NAV3: variants seen among roughly 807,000 people sequenced by gnomAD.
The protein encoded by NAV3 is pore membrane and/or filament interacting like protein 1.
In NAV3, 87 loss-of-function variants were observed where a neutral mutation model predicts 244.7. That is an observed-to-expected ratio of 0.36 (90% CI 0.30 to 0.42). The LOEUF (loss-of-function observed/expected upper bound fraction) is 0.42, where lower values mean the gene tolerates loss of function less well. Among genes scored for constraint, NAV3 ranks in the 20% least tolerant of loss-of-function variants. The pLI is 1.00. For synonymous variants in NAV3, 1,126 were observed against 1,042.2 expected, an observed-to-expected ratio of 1.08 and a Z score of -1.55; for missense variants, 2,663 against 2,893.3, an observed-to-expected ratio of 0.92 and a Z score of 1.83.
intron 2 of NAV3, among the ~76,000 whole-genome samples, chr12:77,773,652 C>CA (rs1215017842): frequency 6.6e-6 from 1 of 151,678 alleles, no homozygotes; most frequent in Non-Finnish European, 1.5e-5. Context: ...GCAGGAAAGG[C>CA]AAAAAAAGAA....
chr12:77,999,785 G>A (rs1353994145), intron 7 of NAV3, among the ~76,000 whole-genome samples: 1 of 150,964 alleles, frequency 6.6e-6, no homozygotes, highest in South Asian at 2.1e-4. Flanking sequence ...GGTGACAGTC[G>A]CTCATCAGAA....
rs548910425 is a variant in NAV3 at position 77,945,770 on chromosome 12, C to T, written c.414+4637C>T. On this transcript the variant is annotated intron_variant, in intron 3 of 39. Coordinates refer to ENST00000397909, the MANE Select transcript of NAV3 (RefSeq NM_001024383.2). ...TTATTATTATTATTATTTTTTGAGA[C>T]GAAGTCTCGCTGTGTCGCCCAAGCT... Among the ~76,000 whole-genome samples, 12 of 151,752 alleles carry T rather than the reference C, an allele frequency of 7.9e-5. No individual in the cohort carries two copies. In the South Asian group the frequency reaches 8.3e-4, roughly 11 times the overall value.
rs1959267885 is a variant in NAV3 at position 78,198,744 on chromosome 12, G to A, written c.6518+68G>A. On this transcript the variant is annotated intron_variant, in intron 36 of 39. Coordinates refer to ENST00000397909, the MANE Select transcript of NAV3 (RefSeq NM_001024383.2). ...TGTGTTGGGGGGGGCAGGGGAGGGG[G>A]TTGGCATTGTTTCTTCCTGTTTGTT... 16 of 576,570 alleles carry A rather than the reference G, an allele frequency of 2.8e-5. 1 individual carries two copies. The highest frequency in any genetic ancestry group is 3.3e-4 in the Middle Eastern group (1 of 3,010). The allele number at this position is 576,570 out of a possible 1,614,324, so 35.7% of individuals were successfully genotyped here.
intron 9 of NAV3, among the ~76,000 whole-genome samples, chr12:78,048,359 C>T (rs1386444398): frequency 6.6e-6 from 1 of 152,116 alleles, no homozygotes; most frequent in African/African-American, 2.4e-5. Flanking sequence ...GACTTACCTA[C>T]CTTTGGTCTC....
intron 12 of NAV3, among the ~76,000 whole-genome samples, chr12:78,093,652 G>GATTTC (rs1954082740): frequency 6.6e-6 from 1 of 151,742 alleles, no homozygotes; most frequent in African/African-American, 2.4e-5. Context: ...GAAAAAAAAA[G>GATTTC]TACAGTATTA....
At chr12:77,812,423 AT>A (rs1755815531) in intron 2 of NAV3, among the ~76,000 whole-genome samples, 1 of 149,658 alleles carries the variant, frequency 6.7e-6, no homozygotes, top group Non-Finnish European at 1.5e-5. Flanking sequence ...TTTAACTTTT[AT>A]TTTTTTGAGA....
chr12:77,716,115 A>G (rs1876349757), intron 2 of NAV3, among the ~76,000 whole-genome samples: 2 of 152,156 alleles, frequency 1.3e-5, no homozygotes, highest in Middle Eastern at 3.4e-3. Context: ...AAATTTAAAC[A>G]GTCTCATTTT....
intron 2 of NAV3, among the ~76,000 whole-genome samples, chr12:77,638,492 A>G (rs1361691862): frequency 6.6e-6 from 1 of 152,178 alleles, no homozygotes; most frequent in Non-Finnish European, 1.5e-5. Context: ...TCTGCTTTCT[A>G]TGAGAAGTCA....
intron 22 of NAV3, among the ~76,000 whole-genome samples, chr12:78,153,467 A>G (rs944288421): frequency 5.3e-5 from 8 of 152,250 alleles, no homozygotes; most frequent in Non-Finnish European, 8.8e-5. Context: ...ACCAACAAAC[A>G]GAAAACAGAA....
In NAV3 at chr12:77,623,865, G is replaced by A. The variant is rs1454802569; in HGVS notation, c.72+51599G>A. Among the ~76,000 whole-genome samples, 3 of 152,146 alleles carry A rather than the reference G, an allele frequency of 2.0e-5. No individual in the cohort carries two copies. In the East Asian group the frequency reaches 5.8e-4, roughly 29 times the overall value. On this transcript the variant is annotated intron_variant, in intron 2 of 8. Coordinates refer to the NAV3 transcript ENST00000550042. Reference sequence around the variant, plus strand: ...GAATTTAAGAATCAATCTCCTTAAAGAAAATAAGATTACAAAGAGCTAGAT... The same window carrying A: ...GAATTTAAGAATCAATCTCCTTAAAAAAAATAAGATTACAAAGAGCTAGAT...
At chr12:77,967,661 A>C (rs1263451) in intron 4 of NAV3, among the ~76,000 whole-genome samples, 1 of 151,936 alleles carries the variant, frequency 6.6e-6, no homozygotes, top group Non-Finnish European at 1.5e-5. Flanking sequence ...CAAGCTTTAC[A>C]TCCTTCTCTT....
At chr12:77,642,866 A>G (rs1236124439) in intron 2 of NAV3, among the ~76,000 whole-genome samples, 1 of 152,120 alleles carries the variant, frequency 6.6e-6, no homozygotes, top group Admixed American at 6.6e-5. Context: ...GTTTATTATT[A>G]ATATGAAAGC....
intron 2 of NAV3, among the ~76,000 whole-genome samples, chr12:77,682,101 G>C (rs1270566600): frequency 6.6e-6 from 1 of 151,976 alleles, no homozygotes; most frequent in Non-Finnish European, 1.5e-5. Context: ...CCAAAATTTT[G>C]TGTTCTTTGA....
At chr12:77,940,269 C>G (rs2137465098) in intron 1 of NAV3, 50 bp from the exon 2 acceptor site, 33 of 1,301,402 alleles carry the variant, frequency 2.5e-5, no homozygotes, top group Non-Finnish European at 3.3e-5. Flanking sequence ...ATTTTATTGT[C>G]TCTGTTTTCC....
intron 1 of NAV3, among the ~76,000 whole-genome samples, chr12:77,851,297 C>T (rs1282261790): frequency 6.6e-6 from 1 of 152,136 alleles, no homozygotes; most frequent in African/African-American, 2.4e-5. Context: ...TAGAAATACC[C>T]CTTCTGAATC....
intron 22 of NAV3, among the ~76,000 whole-genome samples, chr12:78,151,834 G>C (rs1396714984): frequency 6.6e-6 from 1 of 150,960 alleles, no homozygotes; most frequent in Non-Finnish European, 1.5e-5. Context: ...GGACCTCCCT[G>C]TACTATCTTT....
chr12:77,802,843 A>G (rs912526821), intron 2 of NAV3, among the ~76,000 whole-genome samples: 1 of 151,732 alleles, frequency 6.6e-6, no homozygotes, highest in East Asian at 1.9e-4. Flanking sequence ...TGTTTTTTGT[A>G]TTTTTAGTAG....
At chr12:77,949,516 C>T (rs531118686) in intron 3 of NAV3, among the ~76,000 whole-genome samples, 16 of 152,054 alleles carry the variant, frequency 1.1e-4, no homozygotes, top group African/African-American at 3.6e-4. Context: ...TCCACTTCCT[C>T]CCCCTCTTTA....
At chr12:77,967,028 T>C (rs1892582659) in intron 4 of NAV3, among the ~76,000 whole-genome samples, 1 of 152,082 alleles carries the variant, frequency 6.6e-6, no homozygotes, top group East Asian at 1.9e-4. Context: ...TGTTATGATA[T>C]ATAATTAAAT....
Sources: gnomAD v4.1 joint callset for allele counts (sites outside exome capture counted in the v4.1 genomes callset) on GRCh38, gnomAD v4.1.1 for gene constraint, MANE v1.5 for transcripts, NCBI Gene and HGNC (gene_info 2026-07-23, HGNC 2026-07-21) for gene names.